The following PAPSS2 variants were observed in gnomAD, a reference collection of about 807,000 sequenced individuals.
PAPSS2 encodes the protein 3'-phosphoadenosine 5'-phosphosulfate synthase 2, also known as bifunctional 3'-phosphoadenosine 5'-phosphosulfate synthase 2.
Under a neutral mutation model 66.5 loss-of-function variants are expected in PAPSS2, and 61 were observed. The ratio of observed to expected loss-of-function variants is 0.92; its 90% CI spans 0.75 to 1.14. The LOEUF (loss-of-function observed/expected upper bound fraction) is 1.14, where lower values mean the gene tolerates loss of function less well. PAPSS2 is among the 50% of genes most tolerant of loss of function. The pLI is 0.00. For missense variants in PAPSS2, 708 were observed against 789.6 expected (o/e 0.90, Z 1.24); for synonymous variants, 289 against 287.5 (o/e 1.01, Z -0.05).
intron 1 of PAPSS2, among the ~76,000 whole-genome samples, chr10:87,682,818 T>A (rs1481492317): frequency 6.6e-6 from 1 of 152,118 alleles, no homozygotes; most frequent in African/African-American, 2.4e-5. Flanking sequence ...TAGAAAAACA[T>A]GGGCGATTTG....
intron 9 of PAPSS2, among the ~76,000 whole-genome samples, chr10:87,729,238 T>C (rs1853698093): frequency 6.7e-6 from 1 of 148,854 alleles, no homozygotes; most frequent in African/African-American, 2.5e-5. Flanking sequence ...TTTCTTTTCT[T>C]TTTTTTTTTT....
At chr10:87,731,783 TG>T (rs1564726602) in intron 9 of PAPSS2, among the ~76,000 whole-genome samples, 1 of 152,226 alleles carries the variant, frequency 6.6e-6, no homozygotes, top group Non-Finnish European at 1.5e-5. Flanking sequence ...AAGAAGTAAC[TG>T]AATTGTTGCA....
chr10:87,701,293 TTTC>T (rs1391090165), intron 1 of PAPSS2, among the ~76,000 whole-genome samples: 2 of 150,762 alleles, frequency 1.3e-5, no homozygotes, highest in East Asian at 1.9e-4. Flanking sequence ...TCTTTCTTTC[TTTC>T]TTTTTTCCTT....
chr10:87,713,312 TAAAAAA>T lies in PAPSS2; in HGVS notation c.381+19_381+24del, dbSNP rs367885911. On this transcript the variant is annotated splice_donor_5th_base_variant and intron_variant, in intron 3 of 12. Coordinates refer to ENST00000456849, the MANE Select transcript of PAPSS2 (RefSeq NM_001015880.2). ...AGCTTTATTTCTCCATTCGCAAAGG[TAAAAAA>T]AAAAAAAAAAAAAAAAGGCACTACA... is the stretch of plus-strand genomic sequence containing the variant. 750 of 574,034 alleles carry T rather than the reference TAAAAAA, an allele frequency of 1.3e-3. 1 individual carries two copies. Among genetic ancestry groups the T allele is most frequent in the East Asian group, 3.2e-3 (59 of 18,728 alleles). 35.6% of individuals were successfully genotyped at this position (574,034 alleles called of 1,614,324 possible). A position where few individuals can be genotyped will look rare whatever the true frequency, so the allele number is the denominator to read the frequency against.
rs1420389655 is a variant in PAPSS2, at chr10:87,727,504, C to T, written c.1086+15C>T. The T allele has an allele frequency of 6.3e-7, 1 of 1,595,194 alleles. No individual in the cohort carries two copies. The stretch of plus-strand genomic sequence containing the variant: ...CCCATATCAAAGTAAGTCACAAAAC[C>T]TTTGGAAGGACTTTCTTGAGCTATT... On this transcript the variant is annotated intron_variant, in intron 9 of 12. Transcript: ENST00000456849.
At chr10:87,681,322 C>T (rs553301777) in intron 1 of PAPSS2, among the ~76,000 whole-genome samples, 1 of 152,306 alleles carries the variant, frequency 6.6e-6, no homozygotes, top group South Asian at 2.1e-4. Flanking sequence ...ACCATGCTTA[C>T]CACCATCAGA....
chr10:87,713,892 A>T, intron 3 of PAPSS2, 152 bp from the exon 4 acceptor site: 2 of 751,760 alleles, frequency 2.7e-6, no homozygotes, highest in Admixed American at 4.3e-5. Context: ...TGTTTACCAG[A>T]GTAAAATTTC....
At chr10:87,730,388 T>C (rs1853714227) in intron 9 of PAPSS2, among the ~76,000 whole-genome samples, 1 of 151,896 alleles carries the variant, frequency 6.6e-6, no homozygotes, top group African/African-American at 2.4e-5. Flanking sequence ...GTAAGACAGG[T>C]TATGGGAGGG....
chr10:87,683,821 T>A (rs1277448238), intron 1 of PAPSS2, among the ~76,000 whole-genome samples: 1 of 151,994 alleles, frequency 6.6e-6, no homozygotes, highest in Non-Finnish European at 1.5e-5. Context: ...TCCAGAGTAG[T>A]TGGGACCACA....
intron 1 of PAPSS2, chr10:87,704,101 A>G (rs182908257): frequency 1.1e-5 from 5 of 451,988 alleles, no homozygotes; most frequent in African/African-American, 1.0e-4. Flanking sequence ...ATCTGCTTCT[A>G]TTTGTTTGCC....
At chr10:87,720,291 G>A (rs766119260) in intron 7 of PAPSS2, among the ~76,000 whole-genome samples, 41 of 152,194 alleles carry the variant, frequency 2.7e-4, no homozygotes, top group Non-Finnish European at 5.3e-4. Context: ...GAAGGGAGTA[G>A]GGGCTTGGGC....
chr10:87,703,895 G>A, intron 1 of PAPSS2: 2 of 509,102 alleles, frequency 3.9e-6, no homozygotes, highest in South Asian at 2.9e-5. Context: ...TGTTCTCTAT[G>A]TACACACAGC....
At chr10:87,745,322 A>G (rs969634086) in intron 12 of PAPSS2, 91 bp downstream of exon 12, 1 of 969,014 alleles carries the variant, frequency 1.0e-6, no homozygotes, top group South Asian at 1.4e-5. Flanking sequence ...TCTCCAGTGC[A>G]TTGCCACATG....
intron 1 of PAPSS2, among the ~76,000 whole-genome samples, chr10:87,696,603 G>T (rs1346564799): frequency 6.6e-6 from 1 of 152,048 alleles, no homozygotes; most frequent in Non-Finnish European, 1.5e-5. Flanking sequence ...TAATTTTTCT[G>T]TTTTTTCTGC....
chr10:87,686,627 T>C (rs7077922), intron 1 of PAPSS2, among the ~76,000 whole-genome samples: 134,222 of 152,198 alleles, frequency 0.88, 59,542 homozygotes, highest in East Asian at 1. Context: ...ATTATCTAAA[T>C]TTTGAAAAAT....
chr10:87,712,810 C>T (rs764990743), intron 2 of PAPSS2, among the ~76,000 whole-genome samples: 1 of 152,086 alleles, frequency 6.6e-6, no homozygotes, highest in Non-Finnish European at 1.5e-5. Context: ...AAACAGAACA[C>T]ATCGAGGACC....
chr10:87,674,717 C>T (rs1852924014), intron 1 of PAPSS2, among the ~76,000 whole-genome samples: 1 of 152,088 alleles, frequency 6.6e-6, no homozygotes, highest in South Asian at 2.1e-4. Context: ...TTATAACTGT[C>T]TACCTAGACA....
At position 87,680,618 on chromosome 10, in the gene PAPSS2, A is replaced by G. The variant is rs1226090937; in HGVS notation, c.27+20610A>G. Among the ~76,000 whole-genome samples the G allele has an allele frequency of 2.0e-5, 3 of 152,106 alleles. No individual in the cohort carries two copies. In the East Asian group the frequency reaches 5.8e-4, roughly 29 times the overall value. ...AACTTTTAAAGTATAAAGTCCATAC[A>G]GAAAAATATATAAATTTTCAGTGTG... On this transcript the variant is annotated intron_variant, in intron 1 of 12. Transcript: ENST00000456849.
intron 1 of PAPSS2, among the ~76,000 whole-genome samples, chr10:87,688,305 C>T (rs540420031): frequency 3.2e-4 from 49 of 151,772 alleles, no homozygotes; most frequent in African/African-American, 1.2e-3. Flanking sequence ...ATAAAACACA[C>T]CTGTAAATTT....
Sources: gnomAD v4.1 joint callset for allele counts (sites outside exome capture counted in the v4.1 genomes callset) on GRCh38, gnomAD v4.1.1 for gene constraint, MANE v1.5 for transcripts, NCBI Gene and HGNC (gene_info 2026-07-23, HGNC 2026-07-21) for gene names.